ARB2A: variants seen among roughly 807,000 people sequenced by gnomAD.
ARB2A encodes the protein cotranscriptional regulator ARB2A.
At chr5:93,972,956 T>C in the ARB2A span, among the ~76,000 whole-genome samples, 2 of 151,846 alleles carry the variant, frequency 1.3e-5, no homozygotes, top group Non-Finnish European at 2.9e-5. Flanking sequence ...AATTTCTTTT[T>C]CTTTTCCTTT....
At chr5:94,071,325 C>T in the ARB2A span, among the ~76,000 whole-genome samples, 2 of 151,902 alleles carry the variant, frequency 1.3e-5, no homozygotes, top group East Asian at 3.9e-4. Flanking sequence ...CCTTCATAAA[C>T]TAGGACTAGG....
At chr5:93,890,823 T>G in the ARB2A span, among the ~76,000 whole-genome samples, 4 of 152,100 alleles carry the variant, frequency 2.6e-5, no homozygotes, top group African/African-American at 4.8e-5. Flanking sequence ...TAGCTTACAC[T>G]GGTTCGTTTA....
chr5:93,973,756 T>C, the ARB2A span, among the ~76,000 whole-genome samples: 9 of 152,192 alleles, frequency 5.9e-5, no homozygotes, highest in Non-Finnish European at 1.0e-4. Context: ...TGGGGACCCA[T>C]TTTTAGCATT....
the ARB2A span, among the ~76,000 whole-genome samples, chr5:93,731,854 A>C: frequency 1.3e-5 from 2 of 152,240 alleles, no homozygotes; most frequent in African/African-American, 4.8e-5. Context: ...TTTTAAATGC[A>C]GTGAAATCTC....
chr5:93,948,214 T>G, the ARB2A span, among the ~76,000 whole-genome samples: 12 of 152,118 alleles, frequency 7.9e-5, no homozygotes, highest in African/African-American at 1.9e-4. Flanking sequence ...TCTAACTGGT[T>G]TGAGATGGTA....
chr5:93,982,104 A>T, the ARB2A span, among the ~76,000 whole-genome samples: 1 of 152,138 alleles, frequency 6.6e-6, no homozygotes, highest in Admixed American at 6.5e-5. Flanking sequence ...CAAAAACAAA[A>T]AAAAAGTAAT....
the ARB2A span, among the ~76,000 whole-genome samples, chr5:93,630,743 G>C: frequency 1.3e-5 from 2 of 151,986 alleles, no homozygotes; most frequent in African/African-American, 2.4e-5. Flanking sequence ...TGGAGGCCAG[G>C]CTGGGCAACA....
the ARB2A span, among the ~76,000 whole-genome samples, chr5:93,908,630 C>T: frequency 2.7e-5 from 4 of 150,634 alleles, no homozygotes; most frequent in African/African-American, 4.9e-5. Context: ...ATAATACTCA[C>T]GTTAACTTTA....
the ARB2A span, among the ~76,000 whole-genome samples, chr5:93,886,615 G>A: frequency 1.7e-4 from 26 of 151,636 alleles, no homozygotes; most frequent in Non-Finnish European, 2.2e-4. Context: ...AGGTGCAACA[G>A]TGAGATGAGG....
At chr5:94,049,244 C>G in the ARB2A span, among the ~76,000 whole-genome samples, 1 of 152,162 alleles carries the variant, frequency 6.6e-6, no homozygotes, top group South Asian at 2.1e-4. Flanking sequence ...ACAAGCAGTA[C>G]CATGTGAAGT....
the ARB2A span, among the ~76,000 whole-genome samples, chr5:93,899,977 T>C: frequency 3.9e-5 from 6 of 152,246 alleles, no homozygotes; most frequent in South Asian, 2.1e-4. Context: ...CAAGTGATAA[T>C]AGAAATATTG....
the ARB2A span, among the ~76,000 whole-genome samples, chr5:93,831,749 G>T: frequency 6.6e-6 from 1 of 152,190 alleles, no homozygotes; most frequent in Non-Finnish European, 1.5e-5. Context: ...ACCAACAGTT[G>T]TTTCTACTGC....
At chr5:93,993,564 A>T in the ARB2A span, among the ~76,000 whole-genome samples, 3 of 152,164 alleles carry the variant, frequency 2.0e-5, no homozygotes, top group Non-Finnish European at 1.5e-5. Context: ...ATGCACTGAC[A>T]TAAAAGATGG....
chr5:93,750,867 C>A, the ARB2A span, among the ~76,000 whole-genome samples: 1 of 151,990 alleles, frequency 6.6e-6, no homozygotes, highest in Admixed American at 6.6e-5. Context: ...TATCTGGAAA[C>A]TGAGAAGGAG....
chr5:93,938,419 A>G, the ARB2A span, among the ~76,000 whole-genome samples: 1 of 152,232 alleles, frequency 6.6e-6, no homozygotes, highest in African/African-American at 2.4e-5. Context: ...TTAATTGTTT[A>G]TATAGTATTG....
chr5:93,806,030 T>C, the ARB2A span: 1 of 801,420 alleles, frequency 1.2e-6, no homozygotes, highest in Non-Finnish European at 1.5e-6. Flanking sequence ...GTCATTCAGA[T>C]ACGCAAATTT....
At chr5:93,641,962 A>C in the ARB2A span, among the ~76,000 whole-genome samples, 1 of 152,082 alleles carries the variant, frequency 6.6e-6, no homozygotes, top group East Asian at 1.9e-4. Context: ...TTTGGTTCTG[A>C]GTTTCCTATT....
At chr5:93,678,545 C>T in the ARB2A span, among the ~76,000 whole-genome samples, 1 of 152,174 alleles carries the variant, frequency 6.6e-6, no homozygotes, top group Non-Finnish European at 1.5e-5. Flanking sequence ...CACTTGAGGT[C>T]AGGAGTTTAA....
chr5:93,833,869 G>A, the ARB2A span, among the ~76,000 whole-genome samples: 9 of 152,276 alleles, frequency 5.9e-5, 1 homozygote, highest in Admixed American at 5.2e-4. Context: ...GAGAGTACAT[G>A]TGCAAGTTTG....
Sources: allele counts gnomAD v4.1 joint callset (sites outside exome capture counted in the v4.1 genomes callset), GRCh38; gene constraint gnomAD v4.1.1; transcripts MANE v1.5; gene names NCBI Gene and HGNC (gene_info 2026-07-23, HGNC 2026-07-21).